Variants in RRAS2 observed in about 807,000 individuals in gnomAD.
RRAS2 encodes ras-related protein R-Ras2.
RRAS2 carries 7 observed loss-of-function variants against 27.6 expected under a neutral mutation model. The ratio of observed to expected loss-of-function variants is 0.25; its 90% CI spans 0.14 to 0.48. RRAS2 has a LOEUF of 0.48. RRAS2 is among the 20% of genes least tolerant of loss of function. The pLI is 0.99. For synonymous variants in RRAS2, 86 were observed against 90.9 expected (o/e 0.95, Z 0.31); for missense variants, 178 against 256.2 (o/e 0.69, Z 2.08).
At chr11:14,303,938 T>G (rs1847771744) in intron 1 of RRAS2, among the ~76,000 whole-genome samples, 1 of 152,200 alleles carries the variant, frequency 6.6e-6, no homozygotes, top group African/African-American at 2.4e-5. Context: ...CCTGGCCATT[T>G]ACAACTCCAA....
Position 14,277,952 on chromosome 11 carries a change from A to T in RRAS2, c.*1385T>A, listed in dbSNP as rs1316772916. 2 of 152,196 alleles carry T rather than the reference A, an allele frequency of 1.3e-5. No individual in the cohort carries two copies. The highest frequency in any genetic ancestry group is 4.8e-5 in the African/African-American group (2 of 41,452). 9.4% of individuals were successfully genotyped at this position (152,196 alleles called of 1,614,324 possible). On this transcript the variant is annotated 3_prime_UTR_variant, in exon 6 of 6. Transcript: ENST00000256196. The stretch of plus-strand genomic sequence containing the variant: ...ATAACAGATCAATTTTAATTCTAGC[A>T]CCTGAAGCTATACAAGGGTATGCTC...
intron 1 of RRAS2, among the ~76,000 whole-genome samples, chr11:14,333,990 G>A (rs1286708964): frequency 2.0e-5 from 3 of 152,102 alleles, no homozygotes; most frequent in African/African-American, 4.8e-5. Context: ...TTAATGACAT[G>A]GACCATATTT....
In RRAS2 at chr11:14,358,326, G is replaced by T; in HGVS notation, c.108+437C>A. ...GACCACGCGGAGCCGCGGCCAAGTTGCCACCGCTATCGCCCCGACGGTGAA... is the reference window on the plus strand; with the variant it reads ...GACCACGCGGAGCCGCGGCCAAGTTTCCACCGCTATCGCCCCGACGGTGAA... On this transcript the variant is annotated intron_variant, in intron 1 of 5. Coordinates refer to ENST00000256196, the MANE Select transcript of RRAS2 (RefSeq NM_012250.6). The surrounding 1 kb of genome is among the most constrained non-coding windows in gnomAD (Gnocchi z 5.1). The T allele has an allele frequency of 1.0e-6, 1 of 985,542 alleles. No individual in the cohort carries two copies. The highest frequency in any genetic ancestry group is 1.2e-6 in the Non-Finnish European group (1 of 830,038). 61.0% of individuals were successfully genotyped at this position (985,542 alleles called of 1,614,324 possible).
intron 1 of RRAS2, among the ~76,000 whole-genome samples, chr11:14,297,407 T>C (rs535528087): frequency 2.0e-5 from 3 of 152,322 alleles, no homozygotes; most frequent in Non-Finnish European, 2.9e-5. Context: ...GGAGGAGATA[T>C]ATTAATCTGC....
chr11:14,316,319 G>T (rs781885136), intron 1 of RRAS2, among the ~76,000 whole-genome samples: 2 of 152,190 alleles, frequency 1.3e-5, no homozygotes, highest in Non-Finnish European at 2.9e-5. Context: ...TCAGTCTGAA[G>T]AGAATCAACC....
At chr11:14,353,135 C>T (rs531286898) in intron 1 of RRAS2, among the ~76,000 whole-genome samples, 1 of 152,182 alleles carries the variant, frequency 6.6e-6, no homozygotes, top group African/African-American at 2.4e-5. Flanking sequence ...AGTCTCTTCC[C>T]ACTCTACTCC....
intron 1 of RRAS2, among the ~76,000 whole-genome samples, chr11:14,354,135 G>A (rs893921104): frequency 1.3e-5 from 2 of 151,926 alleles, no homozygotes; most frequent in East Asian, 3.8e-4. Flanking sequence ...ATCTCTTCTC[G>A]GCTCTCTGCC....
At chr11:14,282,139 T>G (rs1849556015) in intron 4 of RRAS2, among the ~76,000 whole-genome samples, 1 of 152,130 alleles carries the variant, frequency 6.6e-6, no homozygotes, top group Admixed American at 6.6e-5. Context: ...GAAGTATCCT[T>G]GCCAGAGAAA....
intron 1 of RRAS2, among the ~76,000 whole-genome samples, chr11:14,315,566 C>T (rs923671571): frequency 1.3e-5 from 2 of 152,096 alleles, no homozygotes; most frequent in African/African-American, 4.8e-5. Context: ...CTATGGAAAC[C>T]TGAATAAAGT....
intron 1 of RRAS2, among the ~76,000 whole-genome samples, chr11:14,301,810 G>A (rs202173966): frequency 7.3e-5 from 11 of 151,712 alleles, no homozygotes; most frequent in Non-Finnish European, 1.5e-4. Context: ...GAAACCCCGT[G>A]TCTACTAAAA....
intron 1 of RRAS2, among the ~76,000 whole-genome samples, chr11:14,312,898 TCAAC>T (rs1398438312): frequency 6.6e-6 from 1 of 152,186 alleles, no homozygotes; most frequent in Admixed American, 6.5e-5. Context: ...GCAAATGTTC[TCAAC>T]CAGAGATTCC....
chr11:14,309,933 G>A (rs1847921751), intron 1 of RRAS2, among the ~76,000 whole-genome samples: 2 of 152,348 alleles, frequency 1.3e-5, no homozygotes, highest in South Asian at 4.1e-4. Flanking sequence ...GCAGTCAGAA[G>A]ACTGGATTAT....
chr11:14,309,584 C>T (rs1456099501), intron 1 of RRAS2, among the ~76,000 whole-genome samples: 1 of 152,152 alleles, frequency 6.6e-6, no homozygotes, highest in Non-Finnish European at 1.5e-5. Flanking sequence ...GAAGGCTCCA[C>T]GCACAATGTG....
At chr11:14,304,949 G>C (rs1847799263) in intron 1 of RRAS2, among the ~76,000 whole-genome samples, 1 of 152,174 alleles carries the variant, frequency 6.6e-6, no homozygotes, top group Non-Finnish European at 1.5e-5. Context: ...GCTTTTGACT[G>C]AAATTAGTAT....
At chr11:14,350,656 GCCACA>G (rs1848929342) in intron 1 of RRAS2, among the ~76,000 whole-genome samples, 1 of 151,884 alleles carries the variant, frequency 6.6e-6, no homozygotes, top group Non-Finnish European at 1.5e-5. Context: ...ACTGTCTTGG[GCCACA>G]CATAAAATAC....
chr11:14,359,118 G>A lies in RRAS2; in HGVS notation c.-248C>T, dbSNP rs1414383581. 2.5e-5 allele frequency: 26 copies of A among 1,049,442 alleles called. No homozygotes were observed. The highest frequency in any genetic ancestry group is 4.6e-5 in the South Asian group (1 of 21,868). 65.0% of individuals were successfully genotyped at this position (1,049,442 alleles called of 1,614,324 possible). On this transcript the variant is annotated 5_prime_UTR_variant, in exon 1 of 6. Transcript: ENST00000256196. Reference sequence around the variant, plus strand: ...AGGGGCGGCAGCGGCCGGGGGGCGCGCTCCTCTACGCGTCTCCGCAGCGCC... The same window carrying A: ...AGGGGCGGCAGCGGCCGGGGGGCGCACTCCTCTACGCGTCTCCGCAGCGCC...
intron 1 of RRAS2, among the ~76,000 whole-genome samples, chr11:14,333,932 G>T (rs1403771057): frequency 1.3e-5 from 2 of 152,108 alleles, no homozygotes; most frequent in African/African-American, 4.8e-5. Flanking sequence ...ACACAGCCCC[G>T]CCCTTACTTT....
Position 14,326,769 on chromosome 11 carries a change from A to C in RRAS2, c.109-30914T>G, listed in dbSNP as rs1437675196. Among the ~76,000 whole-genome samples, 2 of 77,178 alleles carry C rather than the reference A, an allele frequency of 2.6e-5. 1 individual carries two copies. The highest frequency in any genetic ancestry group is 7.2e-5 in the Non-Finnish European group (2 of 27,622). The allele number at this position is 77,178 out of a possible 152,430, so 50.6% of individuals were successfully genotyped here. A position where few individuals can be genotyped will look rare whatever the true frequency, so the allele number is the denominator to read the frequency against. On this transcript the variant is annotated intron_variant, in intron 1 of 5. Transcript: ENST00000256196. ...AGTAAACATTTCAATCCTATTAAGA[A>C]TATGATTTTGGCCGGGCGCGGTGGC...
intron 1 of RRAS2, among the ~76,000 whole-genome samples, chr11:14,352,380 C>G (rs1554954905): frequency 6.6e-6 from 1 of 152,160 alleles, no homozygotes; most frequent in Admixed American, 6.5e-5. Flanking sequence ...CAATTATTCT[C>G]AAGTACAATT....
Sources: allele counts gnomAD v4.1 joint callset (sites outside exome capture counted in the v4.1 genomes callset), GRCh38; gene constraint gnomAD v4.1.1; non-coding constraint Gnocchi (gnomAD v3.1); transcripts MANE v1.5; gene names NCBI Gene and HGNC (gene_info 2026-07-23, HGNC 2026-07-21).